Variants in ADGRA1 observed in about 807,000 individuals in gnomAD.
ADGRA1 encodes adhesion G protein-coupled receptor A1, also known as G-protein coupled receptor 123.
A neutral mutation model predicts 21.3 loss-of-function variants in ADGRA1; 12 were observed. The observed-to-expected ratio is 0.56, with a 90% CI of 0.36 to 0.91. The LOEUF (loss-of-function observed/expected upper bound fraction) is 0.91, where lower values mean the gene tolerates loss of function less well. Ranked by LOEUF, ADGRA1 falls within the 40% of genes least tolerant of loss-of-function variation. The pLI is 0.01. For synonymous variants in ADGRA1, 385 were observed against 368.8 expected (o/e 1.04, Z -0.50); for missense variants, 790 against 805.6 (o/e 0.98, Z 0.23).
At chr10:133,118,820 G>A (rs1408428404) in intron 5 of ADGRA1, among the ~76,000 whole-genome samples, 1 of 152,064 alleles carries the variant, frequency 6.6e-6, no homozygotes, top group African/African-American at 2.4e-5. Flanking sequence ...TTATTGCAGT[G>A]GTCTGGAACT....
rs537025441 is a variant in ADGRA1, at chr10:133,131,252, C to A, written c.*1741C>A. The A allele has an allele frequency of 1.3e-5, 2 of 152,220 alleles. No individual in the cohort carries two copies. Among genetic ancestry groups the A allele is most frequent in the Non-Finnish European group, 2.9e-5 (2 of 68,046 alleles). The allele number at this position is 152,220 out of a possible 1,614,324, so 9.4% of individuals were successfully genotyped here. A position where few individuals can be genotyped will look rare whatever the true frequency, so the allele number is the denominator to read the frequency against. ...CCACAGCGTGCTCCTCCCAGCAAAC[C>A]CCGTGTGTCCTTACAGGTCGACCAG... On this transcript the variant is annotated 3_prime_UTR_variant, in exon 7 of 7. Coordinates refer to ENST00000392607, the MANE Select transcript of ADGRA1 (RefSeq NM_001083909.3).
intron 5 of ADGRA1, among the ~76,000 whole-genome samples, chr10:133,105,207 G>A (rs911362974): frequency 3.9e-5 from 6 of 152,204 alleles, no homozygotes; most frequent in Admixed American, 6.5e-5. Context: ...CTCTCTGGCC[G>A]TTCCCATCCT....
Position 133,102,729 on chromosome 10 carries a change from C to T in ADGRA1, c.288C>T (p.Ser96=), listed in dbSNP as rs1485694715. Residue 96 remains serine, a synonymous_variant, in exon 5 of 7, where the codon TCC becomes TCT. Coordinates refer to ENST00000392607, the MANE Select transcript of ADGRA1 (RefSeq NM_001083909.3). ...VGIVLHYSTL[S]TMLWIGVTAR... ...TCGTGCTGCACTATTCTACACTGTC[C>T]ACCATGCTGTGGATAGGAGTGACCG... 1.9e-6 allele frequency: 3 copies of T among 1,612,402 alleles called. No individual in the cohort carries two copies. Among genetic ancestry groups the T allele is most frequent in the Non-Finnish European group, 2.5e-6 (3 of 1,179,606 alleles).
intron 5 of ADGRA1, among the ~76,000 whole-genome samples, chr10:133,117,030 C>T (rs1852172315): frequency 6.6e-6 from 1 of 152,176 alleles, no homozygotes. Flanking sequence ...CGGTCACGCT[C>T]TCTGTAGTGG....
chr10:133,122,663 C>T (rs9419117), intron 5 of ADGRA1, among the ~76,000 whole-genome samples: 6 of 152,220 alleles, frequency 3.9e-5, no homozygotes, highest in South Asian at 2.1e-4. Flanking sequence ...CTGTCTTGGC[C>T]GGACACACCA....
intron 5 of ADGRA1, among the ~76,000 whole-genome samples, chr10:133,124,939 C>T (rs766187134): frequency 4.6e-5 from 7 of 152,254 alleles, no homozygotes; most frequent in Non-Finnish European, 7.3e-5. Context: ...GCCGGCTCAC[C>T]GGGAAGGAGC....
intron 3 of ADGRA1, among the ~76,000 whole-genome samples, chr10:133,098,239 G>A (rs1017952062): frequency 2.6e-5 from 4 of 152,130 alleles, no homozygotes; most frequent in African/African-American, 4.8e-5. Flanking sequence ...GTCTAATCAC[G>A]GTCTCTTCCT....
At chr10:133,095,560 C>T (rs972071646) in intron 2 of ADGRA1, 1 of 1,423,154 alleles carries the variant, frequency 7.0e-7, no homozygotes, top group South Asian at 1.4e-5. Context: ...TGCAGGGCCC[C>T]TCCGGTGCCC....
At chr10:133,115,917 G>A (rs540659532) in intron 5 of ADGRA1, among the ~76,000 whole-genome samples, 8 of 152,112 alleles carry the variant, frequency 5.3e-5, no homozygotes, top group East Asian at 3.9e-4. Flanking sequence ...GAGAGCTGGC[G>A]CTTTGCTCCA....
chr10:133,108,020 T>TGTGGC (rs1490342279), intron 5 of ADGRA1, among the ~76,000 whole-genome samples: 1 of 152,252 alleles, frequency 6.6e-6, no homozygotes, highest in Non-Finnish European at 1.5e-5. Context: ...CATCCTGCTG[T>TGTGGC]GTGGCCTGCC....
At chr10:133,121,759 T>C (rs1014890456) in intron 5 of ADGRA1, among the ~76,000 whole-genome samples, 2 of 144,144 alleles carry the variant, frequency 1.4e-5, no homozygotes, top group Admixed American at 1.4e-4. Flanking sequence ...CCAGTGTGCG[T>C]GTGTGCAAGT....
intron 3 of ADGRA1, 108 bp downstream of exon 3, chr10:133,097,209 G>C: frequency 7.4e-7 from 1 of 1,358,034 alleles, no homozygotes; most frequent in East Asian, 2.3e-5. Flanking sequence ...GTAGCAAGAA[G>C]TCCTTGAAGG....
intron 2 of ADGRA1, among the ~76,000 whole-genome samples, chr10:133,094,088 G>C (rs532283645): frequency 6.6e-6 from 1 of 152,274 alleles, no homozygotes; most frequent in Non-Finnish European, 1.5e-5. Flanking sequence ...GCAGCTCCAG[G>C]CGTCCACGCC....
intron 5 of ADGRA1, among the ~76,000 whole-genome samples, chr10:133,119,913 A>G (rs73399141): frequency 0.027 from 4,145 of 152,324 alleles, 173 homozygotes; most frequent in African/African-American, 0.093. Context: ...TAGATTGAGC[A>G]TCATTCTTAA....
In ADGRA1 at chr10:133,128,866, G is replaced by A. The variant is rs779913804; in HGVS notation, c.1038G>A (p.Ser346=). Residue 346 remains serine (S), a synonymous_variant, in exon 7 of 7, where the codon TCG becomes TCA. Transcript: ENST00000392607. The part of the protein sequence containing the change: ...AALGRAACLH[S]PGLGQPRGFA... Reference sequence around the variant, plus strand: ...TGGGCCGCGCCGCCTGCCTGCACTCGCCGGGACTGGGCCAGCCACGGGGCT... The same window carrying A: ...TGGGCCGCGCCGCCTGCCTGCACTCACCGGGACTGGGCCAGCCACGGGGCT... 6.2e-5 allele frequency: 98 copies of A among 1,576,584 alleles called. 1 individual carries two copies. The highest frequency in any genetic ancestry group is 4.6e-5 in the East Asian group (2 of 43,614).
At chr10:133,125,573 G>C (rs2748433) in intron 5 of ADGRA1, among the ~76,000 whole-genome samples, 1 of 151,536 alleles carries the variant, frequency 6.6e-6, no homozygotes, top group Non-Finnish European at 1.5e-5. Context: ...ACAGGCGCCC[G>C]CCACCACGCC....
Position 133,129,526 on chromosome 10 carries a change from C to T in ADGRA1, c.*15C>T, listed in dbSNP as rs1344052309. On this transcript the variant is annotated 3_prime_UTR_variant, in exon 7 of 7. Transcript: ENST00000392607. ...CTACTGTGTAGATGGGGGCAGAGGA[C>T]ACGGTGTTCCTGGAGGAGCTTCAGA... The T allele has an allele frequency of 6.4e-7, 1 of 1,565,956 alleles. No individual in the cohort carries two copies. The highest frequency in any genetic ancestry group is 1.7e-5 in the Admixed American group (1 of 57,604).
rs755718322 is a variant in ADGRA1, at chr10:133,129,454, C to T, written c.1626C>T (p.Gly542=). The T allele has an allele frequency of 1.2e-6, 2 of 1,601,298 alleles. No individual in the cohort carries two copies. The highest frequency in any genetic ancestry group is 1.7e-5 in the Admixed American group (1 of 59,982). ...KGKLLEGLPF[G]TDGTGNIRTG... ...AATTGCTAGAAGGCCTGCCGTTTGG[C>T]ACCGACGGGACCGGCAACATCCGAA... Residue 542 remains glycine (G), a synonymous_variant, in exon 7 of 7, where the codon GGC becomes GGT. Transcript: ENST00000392607.
Position 133,118,907 on chromosome 10 carries a change from C to T in ADGRA1, c.402-8326C>T, listed in dbSNP as rs1362121481. 2.7e-5 allele frequency among the ~76,000 whole-genome samples: 4 copies of T among 145,868 alleles called. No individual in the cohort carries two copies. The Admixed American group carries it at 2.9e-4, about 10-fold the overall frequency. Reference sequence around the variant, plus strand: ...TCATACACTTACACTCACACACGTACACTCACACACCACACACACATGCAT... The same window carrying T: ...TCATACACTTACACTCACACACGTATACTCACACACCACACACACATGCAT... On this transcript the variant is annotated intron_variant, in intron 5 of 6. Coordinates refer to ENST00000392607, the MANE Select transcript of ADGRA1 (RefSeq NM_001083909.3).
Sources: allele counts gnomAD v4.1 joint callset (sites outside exome capture counted in the v4.1 genomes callset), GRCh38; gene constraint gnomAD v4.1.1; transcripts MANE v1.5; gene names NCBI Gene and HGNC (gene_info 2026-07-23, HGNC 2026-07-21).